ADAMTS16: variants seen among roughly 807,000 people sequenced by gnomAD.
ADAMTS16 encodes the protein A disintegrin and metalloproteinase with thrombospondin motifs 16.
In ADAMTS16, 94 loss-of-function variants were observed where a neutral mutation model predicts 145.8. The observed-to-expected ratio is 0.64, with a 90% CI of 0.55 to 0.77. The LOEUF is 0.77. Ranked by LOEUF, ADAMTS16 falls within the 30% of genes least tolerant of loss-of-function variation. The pLI is 0.00. For missense variants in ADAMTS16, 1,585 were observed against 1,591.5 expected (o/e 1.00, Z 0.07); for synonymous variants, 659 against 604.3 (o/e 1.09, Z -1.33).
chr5:5,295,222 T>C (rs1739483778), intron 18 of ADAMTS16, among the ~76,000 whole-genome samples: 1 of 152,230 alleles, frequency 6.6e-6, no homozygotes, highest in African/African-American at 2.4e-5. Flanking sequence ...GTCCCATTTA[T>C]CTGAGTGGGA....
intron 2 of ADAMTS16, among the ~76,000 whole-genome samples, chr5:5,141,177 T>G (rs1040275413): frequency 2.0e-5 from 3 of 152,170 alleles, no homozygotes; most frequent in Non-Finnish European, 2.9e-5. Flanking sequence ...TCTCCTCCTT[T>G]ATAGATTAAA....
intron 17 of ADAMTS16, among the ~76,000 whole-genome samples, chr5:5,243,054 G>A (rs1433511981): frequency 6.6e-6 from 1 of 152,186 alleles, no homozygotes; most frequent in Non-Finnish European, 1.5e-5. Flanking sequence ...AGTTAAGAAG[G>A]TAGTGAATGA....
At chr5:5,250,725 G>GTGTGTGTGTGTA (rs1354200823) in intron 17 of ADAMTS16, among the ~76,000 whole-genome samples, 1 of 150,504 alleles carries the variant, frequency 6.6e-6, no homozygotes, top group East Asian at 2.0e-4. Context: ...GTGTGTGTGT[G>GTGTGTGTGTGTA]TGTGTGTGTG....
chr5:5,216,576 G>A (rs1736446905), intron 10 of ADAMTS16, among the ~76,000 whole-genome samples: 1 of 150,804 alleles, frequency 6.6e-6, no homozygotes, highest in South Asian at 2.1e-4. Context: ...TTTGCTTTTG[G>A]GTTCTTGGTC....
chr5:5,187,607 C>T (rs1735541112), intron 5 of ADAMTS16, 118 bp from the exon 6 acceptor site: 1 of 724,186 alleles, frequency 1.4e-6, no homozygotes, highest in African/African-American at 1.8e-5. Flanking sequence ...CCTAGCAATA[C>T]AAGAAAGTTA....
chr5:5,224,030 TAAC>T (rs1364217767), intron 11 of ADAMTS16, among the ~76,000 whole-genome samples: 1 of 152,100 alleles, frequency 6.6e-6, no homozygotes, highest in East Asian at 1.9e-4. Context: ...TTTAAAATGT[TAAC>T]AACAATGCTA....
intron 8 of ADAMTS16, among the ~76,000 whole-genome samples, chr5:5,196,194 C>G (rs985226124): frequency 6.8e-6 from 1 of 148,016 alleles, no homozygotes; most frequent in Non-Finnish European, 1.5e-5. Context: ...GCCGAGATCA[C>G]GCCACCGCAC....
chr5:5,246,185 T>G (rs1006473520), intron 17 of ADAMTS16, among the ~76,000 whole-genome samples: 1 of 152,192 alleles, frequency 6.6e-6, no homozygotes, highest in African/African-American at 2.4e-5. Flanking sequence ...TCCAAATCAC[T>G]AATCTTCAAC....
At chr5:5,307,708 T>C (rs2126524317) in intron 21 of ADAMTS16, among the ~76,000 whole-genome samples, 1 of 152,048 alleles carries the variant, frequency 6.6e-6, no homozygotes, top group South Asian at 2.1e-4. Context: ...TCTAAGGGGG[T>C]AACCTTATCA....
intron 3 of ADAMTS16, among the ~76,000 whole-genome samples, chr5:5,170,142 G>A (rs1186898483): frequency 6.6e-6 from 1 of 152,070 alleles, no homozygotes; most frequent in African/African-American, 2.4e-5. Context: ...TACAGAGTGG[G>A]TGTACTAATT....
chr5:5,315,548 C>T (rs1734019957), intron 21 of ADAMTS16, among the ~76,000 whole-genome samples: 1 of 151,962 alleles, frequency 6.6e-6, no homozygotes, highest in African/African-American at 2.4e-5. Flanking sequence ...TAAAATAAAT[C>T]TAACTCAAGA....
At chr5:5,274,675 TATATATATACATATATAC>T (rs1019996939) in intron 18 of ADAMTS16, among the ~76,000 whole-genome samples, 8 of 141,888 alleles carry the variant, frequency 5.6e-5, no homozygotes, top group South Asian at 2.3e-4. Context: ...TGTATATGTG[TATATATATACATATATAC>T]ATATATATAC....
At chr5:5,209,477 G>A (rs936115014) in intron 10 of ADAMTS16, among the ~76,000 whole-genome samples, 1 of 152,116 alleles carries the variant, frequency 6.6e-6, no homozygotes, top group Non-Finnish European at 1.5e-5. Context: ...GGCCTGTTAG[G>A]TTGGATCTTT....
chr5:5,239,125 G>T lies in ADAMTS16; in HGVS notation c.2155-26G>T, dbSNP rs546120113. The T allele has an allele frequency of 4.8e-6, 7 of 1,470,280 alleles. No homozygotes were observed. In the South Asian group the frequency reaches 9.0e-5, roughly 19 times the overall value. 91.1% of individuals were successfully genotyped at this position (1,470,280 alleles called of 1,614,324 possible). A position where few individuals can be genotyped will look rare whatever the true frequency, so the allele number is the denominator to read the frequency against. On this transcript the variant is annotated intron_variant, in intron 14 of 22. Coordinates refer to ENST00000274181, the MANE Select transcript of ADAMTS16 (RefSeq NM_139056.4). ...CTGTGTTGTCCTTTCTTTCATGAAT[G>T]ACATGTGACCTCATGGGCCCTCCAG...
chr5:5,261,269 G>A (rs568290511), intron 17 of ADAMTS16, among the ~76,000 whole-genome samples: 3 of 151,560 alleles, frequency 2.0e-5, no homozygotes, highest in South Asian at 4.2e-4. Context: ...TCCTGAGTAC[G>A]CGGGACTACA....
chr5:5,284,166 C>T (rs1739031023), intron 18 of ADAMTS16, among the ~76,000 whole-genome samples: 1 of 152,146 alleles, frequency 6.6e-6, no homozygotes, highest in Non-Finnish European at 1.5e-5. Flanking sequence ...AATTTAAAAT[C>T]ATTGCTTATG....
rs147965473 is a variant in ADAMTS16 at position 5,218,694 on chromosome 5, G to A, written c.1606-4095G>A. Among the ~76,000 whole-genome samples, 973 of 152,338 alleles carry A rather than the reference G, an allele frequency of 6.4e-3. 7 individuals are homozygous for A. Among genetic ancestry groups the A allele is most frequent in the South Asian group, 0.022 (105 of 4,830 alleles). On this transcript the variant is annotated intron_variant, in intron 10 of 22. Coordinates refer to ENST00000274181, the MANE Select transcript of ADAMTS16 (RefSeq NM_139056.4). ...AAAGATGAGTGCGAGGTTTTATTGAGTAGTGGAGGTGGCTCTCAGCAAGGT... is the reference window on the plus strand; with the variant it reads ...AAAGATGAGTGCGAGGTTTTATTGAATAGTGGAGGTGGCTCTCAGCAAGGT...
Position 5,318,144 on chromosome 5 carries a change from G to C in ADAMTS16, c.3422G>C (p.Ser1141Thr). 6.7e-6 allele frequency: 10 copies of C among 1,482,960 alleles called. No individual in the cohort carries two copies. Among genetic ancestry groups the C allele is most frequent in the Non-Finnish European group, 9.0e-6 (10 of 1,110,658 alleles). The allele number at this position is 1,482,960 out of a possible 1,614,324, so 91.9% of individuals were successfully genotyped here. ...GTGTTGCTCTCACAGTGCACGGCCA[G>C]CTGTGGGGGAGGCGTTCAGACGAGG... The part of the protein sequence containing the change: ...FASPWSQCTA[S>T]CGGGVQTRSV... Residue 1141 changes from serine (S) to threonine (T), a missense_variant, in exon 22 of 23, where the codon AGC becomes ACC. By Grantham distance (58) the Ser-to-Thr change is moderately conservative. Coordinates refer to ENST00000274181, the MANE Select transcript of ADAMTS16 (RefSeq NM_139056.4).
chr5:5,237,893 T>A (rs893480669), intron 14 of ADAMTS16, among the ~76,000 whole-genome samples: 1 of 152,174 alleles, frequency 6.6e-6, no homozygotes, highest in African/African-American at 2.4e-5. Context: ...AATGTTATCA[T>A]AAACCAAGTG....
Sources: allele counts gnomAD v4.1 joint callset (sites outside exome capture counted in the v4.1 genomes callset), GRCh38; gene constraint gnomAD v4.1.1; transcripts MANE v1.5; gene names NCBI Gene and HGNC (gene_info 2026-07-23, HGNC 2026-07-21).